The following PAXBP1 variants were observed in gnomAD, a reference collection of about 807,000 sequenced individuals.
The protein encoded by PAXBP1 is PAX3- and PAX7-binding protein 1.
PAXBP1 carries 44 observed loss-of-function variants against 119.9 expected under a neutral mutation model. The ratio of observed to expected loss-of-function variants is 0.37; its 90% CI spans 0.29 to 0.47. PAXBP1 has a LOEUF of 0.47. Ranked by LOEUF, PAXBP1 falls within the 20% of genes least tolerant of loss-of-function variation. The pLI is 0.99. For missense variants in PAXBP1, 898 were observed against 1,134.1 expected (o/e 0.79, Z 2.99); for synonymous variants, 393 against 406.6 (o/e 0.97, Z 0.40).
Position 32,734,651 on chromosome 21 carries a change from T to A in PAXBP1, c.*299A>T. ...TATATATATGCATAATTACACAATT[T>A]ACACTGCACACATCGTTTACAGGGG... On this transcript the variant is annotated 3_prime_UTR_variant, in exon 18 of 18. Coordinates refer to ENST00000331923, the MANE Select transcript of PAXBP1 (RefSeq NM_016631.4). 3.0e-6 allele frequency: 1 copy of A among 337,606 alleles called. No individual in the cohort carries two copies. Among genetic ancestry groups the A allele is most frequent in the South Asian group, 3.3e-5 (1 of 30,354 alleles). The allele number at this position is 337,606 out of a possible 1,614,324, so 20.9% of individuals were successfully genotyped here. A position where few individuals can be genotyped will look rare whatever the true frequency, so the allele number is the denominator to read the frequency against.
chr21:32,767,101 C>A (rs2044254361), intron 2 of PAXBP1, among the ~76,000 whole-genome samples: 1 of 152,178 alleles, frequency 6.6e-6, no homozygotes, highest in South Asian at 2.1e-4. Flanking sequence ...GCAATAAGCA[C>A]CACCCCCAAA....
intron 15 of PAXBP1, 133 bp from the exon 16 acceptor site, chr21:32,738,452 TCAAA>T: frequency 5.7e-6 from 4 of 696,060 alleles, no homozygotes; most frequent in Non-Finnish European, 9.2e-6. Flanking sequence ...ATTAATACTT[TCAAA>T]GGTACAGATA....
At chr21:32,752,667 C>G (rs1266387928) in intron 8 of PAXBP1, among the ~76,000 whole-genome samples, 1 of 152,200 alleles carries the variant, frequency 6.6e-6, no homozygotes, top group Non-Finnish European at 1.5e-5. Context: ...GAGACGGAGT[C>G]TTGCTCTTGT....
In PAXBP1 at chr21:32,759,923, T is replaced by C; in HGVS notation, c.1047A>G (p.Ser349=). Residue 349 remains serine, a synonymous_variant, in exon 6 of 18, where the codon TCA becomes TCG. Coordinates refer to ENST00000331923, the MANE Select transcript of PAXBP1 (RefSeq NM_016631.4). ...TATAACTATAAGGAATGCCATAGGA[T>C]GAGCCGTAAGGCATTGTCTGGTAAG... ...QNTYQTMPYG[S]SYGIPYSYTA... The C allele has an allele frequency of 6.2e-7, 1 of 1,614,006 alleles. No individual in the cohort carries two copies.
At chr21:32,757,960 T>C (rs1269282008) in intron 7 of PAXBP1, among the ~76,000 whole-genome samples, 2 of 152,188 alleles carry the variant, frequency 1.3e-5, no homozygotes, top group African/African-American at 4.8e-5. Context: ...ACAAGTGGTA[T>C]CATAACTCAG....
chr21:32,771,642 G>A lies in PAXBP1; in HGVS notation c.27C>T (p.Asn9=). The A allele has an allele frequency of 6.9e-7, 1 of 1,445,282 alleles. No individual in the cohort carries two copies. Among genetic ancestry groups the A allele is most frequent in the Non-Finnish European group, 9.1e-7 (1 of 1,101,404 alleles). The allele number at this position is 1,445,282 out of a possible 1,614,324, so 89.5% of individuals were successfully genotyped here. Reference sequence around the variant, plus strand: ...CTTCGGAGTCGTTCCGCTTGCGCACGTTCACCCGCCGGGCCTTTCGGAACA... The same window carrying A: ...CTTCGGAGTCGTTCCGCTTGCGCACATTCACCCGCCGGGCCTTTCGGAACA... MFRKARRV[N]VRKRNDSEEE... The change falls in exon 1 of 18, where the codon AAC becomes AAT. Residue 9 remains asparagine (N), a synonymous_variant. Coordinates refer to ENST00000331923, the MANE Select transcript of PAXBP1 (RefSeq NM_016631.4).
At chr21:32,746,333 C>T (rs1208735904) in intron 11 of PAXBP1, among the ~76,000 whole-genome samples, 1 of 152,124 alleles carries the variant, frequency 6.6e-6, no homozygotes, top group African/African-American at 2.4e-5. Flanking sequence ...AACAGACAAC[C>T]TACAGAATGG....
intron 15 of PAXBP1, 27 bp from the exon 16 acceptor site, chr21:32,738,346 T>C (rs955080421): frequency 7.7e-6 from 12 of 1,551,556 alleles, no homozygotes; most frequent in Non-Finnish European, 1.0e-5. Flanking sequence ...AAATAGGTAA[T>C]GTGAAACAAT....
At chr21:32,742,219 A>C (rs2043797108) in intron 15 of PAXBP1, 1 of 152,148 alleles carries the variant, frequency 6.6e-6, no homozygotes, top group African/African-American at 2.4e-5. Flanking sequence ...AAAAAGAGTG[A>C]ATTTTACCGT....
intron 10 of PAXBP1, 84 bp from the exon 11 acceptor site, chr21:32,748,782 G>A: frequency 2.5e-6 from 3 of 1,194,138 alleles, no homozygotes; most frequent in Non-Finnish European, 3.5e-6. Flanking sequence ...TGTTTTCTTT[G>A]TAGCTTCAGT....
At position 32,771,589 on chromosome 21, in the gene PAXBP1, T is replaced by C. The variant is rs2044356750; in HGVS notation, c.80A>G (p.Gln27Arg). Residue 27 changes from glutamine (Q) to arginine (R), a missense_variant, in exon 1 of 18, where the codon CAG becomes CGG. Coordinates refer to ENST00000331923, the MANE Select transcript of PAXBP1 (RefSeq NM_016631.4). The part of the protein sequence containing the change: ...EEEERERDEE[Q>R]EPPPLLPPPG... ...CGGCGGCAACAACGGCGGCGGCTCC[T>C]GCTCCTCATCGCGTTCCCGCTCTTC... 6.8e-7 allele frequency: 1 copy of C among 1,461,524 alleles called. No homozygotes were observed. The highest frequency in any genetic ancestry group is 1.5e-5 in the African/African-American group (1 of 67,918). The allele number at this position is 1,461,524 out of a possible 1,614,324, so 90.5% of individuals were successfully genotyped here. A position where few individuals can be genotyped will look rare whatever the true frequency, so the allele number is the denominator to read the frequency against.
rs186701160 is a variant in PAXBP1 at position 32,754,212 on chromosome 21, G to A, written c.1507+1018C>T. ...TGACTTAGAGACCATGTATAGCAAA[G>A]CATTGCTTTCTGAAAGAATAACATT... On this transcript the variant is annotated intron_variant, in intron 8 of 17. Transcript: ENST00000331923. Among the ~76,000 whole-genome samples the A allele has an allele frequency of 1.9e-4, 29 of 152,294 alleles. 1 individual carries two copies. The East Asian group carries it at 5.0e-3, about 26-fold the overall frequency.
chr21:32,738,056 T>C (rs560413804), intron 16 of PAXBP1, 117 bp downstream of exon 16: 1 of 1,070,044 alleles, frequency 9.3e-7, no homozygotes, highest in African/African-American at 1.7e-5. Context: ...CAACCTTACA[T>C]GCAAGTCCAG....
intron 7 of PAXBP1, among the ~76,000 whole-genome samples, chr21:32,758,644 T>TAAAAAAAAAAAAAAAAAAAAAAAAAAAA (rs138934420): frequency 2.9e-5 from 3 of 104,110 alleles, no homozygotes; most frequent in Admixed American, 1.0e-4. Context: ...TCATCCAGGG[T>TAAAAAAAAAAAAAAAAAAAAAAAAAAAA]AAAAAAAAAA....
chr21:32,745,527 G>C (rs1317371536), intron 12 of PAXBP1, 47 bp downstream of exon 12: 2 of 1,601,064 alleles, frequency 1.2e-6, no homozygotes, highest in South Asian at 2.2e-5. Flanking sequence ...ATAGATTTGA[G>C]AAAGCCAGTG....
intron 15 of PAXBP1, among the ~76,000 whole-genome samples, chr21:32,739,655 C>T (rs2043746382): frequency 6.6e-6 from 1 of 151,912 alleles, no homozygotes; most frequent in Non-Finnish European, 1.5e-5. Flanking sequence ...ACCTGTAATC[C>T]CAGCACTTTG....
At chr21:32,771,259 G>A in intron 1 of PAXBP1, 67 bp downstream of exon 1, 2 of 1,415,266 alleles carry the variant, frequency 1.4e-6, no homozygotes, top group Non-Finnish European at 1.9e-6. Flanking sequence ...AGAGAATACG[G>A]GGGCGGGGGA....
intron 6 of PAXBP1, 180 bp from the exon 7 acceptor site, chr21:32,759,449 T>C: frequency 1.4e-6 from 1 of 728,134 alleles, no homozygotes; most frequent in South Asian, 2.2e-5. Context: ...AGTTTACAGA[T>C]TTCACAGTTT....
At chr21:32,756,663 A>AT (rs112009392) in intron 7 of PAXBP1, 1,720 of 226,144 alleles carry the variant, frequency 7.6e-3, no homozygotes, top group Middle Eastern at 0.015. Flanking sequence ...CCATGCCCTC[A>AT]TTTTTTTTTT....
Sources: gnomAD v4.1 joint callset for allele counts (sites outside exome capture counted in the v4.1 genomes callset) on GRCh38, gnomAD v4.1.1 for gene constraint, MANE v1.5 for transcripts, NCBI Gene and HGNC (gene_info 2026-07-23, HGNC 2026-07-21) for gene names.